The following CREB5 variants were observed in gnomAD, a reference collection of about 807,000 sequenced individuals.
The protein encoded by CREB5 is cyclic AMP-responsive element-binding protein 5.
In CREB5, 19 loss-of-function variants were observed where a neutral mutation model predicts 57.1. The ratio of observed to expected loss-of-function variants is 0.33; its 90% CI spans 0.23 to 0.49. CREB5 has a LOEUF of 0.49. Among genes scored for constraint, CREB5 ranks in the 20% least tolerant of loss-of-function variants. CREB5 has a pLI of 0.99. For missense variants in CREB5, 579 were observed against 671.6 expected, an observed-to-expected ratio of 0.86 and a Z score of 1.52; for synonymous variants, 238 against 238.3, an observed-to-expected ratio of 1.00 and a Z score of 0.01.
At chr7:28,770,108 G>A (rs1806240782) in intron 7 of CREB5, among the ~76,000 whole-genome samples, 1 of 152,176 alleles carries the variant, frequency 6.6e-6, no homozygotes, top group African/African-American at 2.4e-5. Context: ...TGTCTCTAAT[G>A]GAAAATTTAG....
chr7:28,307,728 T>C (rs892200788), intron 1 of CREB5, among the ~76,000 whole-genome samples: 4 of 152,236 alleles, frequency 2.6e-5, no homozygotes, highest in African/African-American at 9.6e-5. Flanking sequence ...CTGAGCACAA[T>C]GTGCCTGGCA....
intron 5 of CREB5, among the ~76,000 whole-genome samples, chr7:28,643,730 A>G (rs1232632054): frequency 6.7e-6 from 1 of 148,266 alleles, no homozygotes; most frequent in Admixed American, 6.8e-5. Flanking sequence ...AGTCTCACGA[A>G]TAGTTCACGG....
chr7:28,754,626 C>A (rs1424552249), intron 7 of CREB5, among the ~76,000 whole-genome samples: 4 of 152,182 alleles, frequency 2.6e-5, no homozygotes, highest in Non-Finnish European at 5.9e-5. Context: ...ACATTTCCTA[C>A]TAACTTAGAG....
intron 5 of CREB5, among the ~76,000 whole-genome samples, chr7:28,645,315 T>G (rs1798847862): frequency 6.6e-6 from 1 of 152,192 alleles, no homozygotes; most frequent in African/African-American, 2.4e-5. Flanking sequence ...AAATGTAATC[T>G]CTCTGGATAC....
At chr7:28,411,613 G>T (rs944295422), upstream of CREB5, among the ~76,000 whole-genome samples, 1 of 152,096 alleles carries the variant, frequency 6.6e-6, no homozygotes. Context: ...ATTTAAAAAA[G>T]TATTAACAGA....
chr7:28,607,784 TG>T (rs1362258734), intron 5 of CREB5, among the ~76,000 whole-genome samples: 1 of 126,254 alleles, frequency 7.9e-6, no homozygotes, highest in Non-Finnish European at 1.7e-5. Context: ...TGTGTGTGTG[TG>T]TGTGTGTGTT....
intron 7 of CREB5, among the ~76,000 whole-genome samples, chr7:28,732,236 T>C (rs1331805653): frequency 6.6e-6 from 1 of 152,192 alleles, no homozygotes. Context: ...TTTCTTTCTC[T>C]TTCTGCCAGT....
At chr7:28,444,700 C>T (rs1215307551) in intron 1 of CREB5, among the ~76,000 whole-genome samples, 2 of 152,214 alleles carry the variant, frequency 1.3e-5, no homozygotes, top group African/African-American at 2.4e-5. Flanking sequence ...TCCTGCTGGT[C>T]TGCCCCTGTC....
intron 1 of CREB5, among the ~76,000 whole-genome samples, chr7:28,425,871 C>T (rs1416888069): frequency 6.6e-6 from 1 of 152,182 alleles, no homozygotes; most frequent in Non-Finnish European, 1.5e-5. Context: ...AGATGGACTG[C>T]TGCTTTTCCT....
At chr7:28,672,729 A>G (rs1449363497) in intron 5 of CREB5, among the ~76,000 whole-genome samples, 1 of 152,186 alleles carries the variant, frequency 6.6e-6, no homozygotes, top group Non-Finnish European at 1.5e-5. Context: ...GTGCTGTCAT[A>G]GAAACAGCTC....
chr7:28,547,240 G>A (rs1416748758), intron 4 of CREB5, among the ~76,000 whole-genome samples: 1 of 152,138 alleles, frequency 6.6e-6, no homozygotes, highest in Non-Finnish European at 1.5e-5. Context: ...TTTCCAGAAT[G>A]ACCATAGAAA....
At chr7:28,555,592 A>G (rs1264887785) in intron 4 of CREB5, among the ~76,000 whole-genome samples, 2 of 152,242 alleles carry the variant, frequency 1.3e-5, no homozygotes, top group African/African-American at 4.8e-5. Context: ...TTCTTTACAT[A>G]TAGGGCTGTA....
intron 4 of CREB5, among the ~76,000 whole-genome samples, chr7:28,560,857 T>TGCGTGC (rs1795109660): frequency 7.8e-5 from 4 of 51,018 alleles, no homozygotes; most frequent in South Asian, 9.0e-4. Context: ...CGTGTGTGTG[T>TGCGTGC]GCGTGTGCCT....
intron 4 of CREB5, among the ~76,000 whole-genome samples, chr7:28,514,528 T>A (rs189883045): frequency 1.3e-5 from 2 of 152,252 alleles, no homozygotes; most frequent in Admixed American, 1.3e-4. Context: ...CCAGAGTAGC[T>A]GGGACTACAG....
chr7:28,819,202 T>A lies in CREB5; in HGVS notation c.1450T>A (p.Ser484Thr). Residue 484 changes from serine (S) to threonine (T), a missense_variant, in exon 11 of 11, where the codon TCG becomes ACG. Physicochemically the swap from Ser to Thr is moderately conservative, Grantham distance 58 (BLOSUM62 1). Coordinates refer to ENST00000357727, the MANE Select transcript of CREB5 (RefSeq NM_182898.4). ...IQHNTITTSS[S>T]VSEVVGSSTL... ...GCATAATACCATCACTACTTCCTCATCGGTCAGCGAGGTGGTAGGAAGCTC... is the reference window on the plus strand; with the variant it reads ...GCATAATACCATCACTACTTCCTCAACGGTCAGCGAGGTGGTAGGAAGCTC... The A allele has an allele frequency of 1.2e-6, 2 of 1,613,902 alleles. No individual in the cohort carries two copies. The highest frequency in any genetic ancestry group is 1.1e-5 in the South Asian group (1 of 91,076).
Position 28,819,443 on chromosome 7 carries a change from GT to G in CREB5, c.*166del. 5 of 660,448 alleles carry G rather than the reference GT, an allele frequency of 7.6e-6. No individual in the cohort carries two copies. Among genetic ancestry groups the G allele is most frequent in the Non-Finnish European group, 1.2e-5 (5 of 421,036 alleles). The allele number at this position is 660,448 out of a possible 1,614,324, so 40.9% of individuals were successfully genotyped here. The stretch of plus-strand genomic sequence containing the variant: ...ATGGAAATGTTGTCTTTTATACTTA[GT>G]TATATAAGAAAAAAGGGAGTTATGC... On this transcript the variant is annotated 3_prime_UTR_variant, in exon 11 of 11. Coordinates refer to ENST00000357727, the MANE Select transcript of CREB5 (RefSeq NM_182898.4).
Position 28,509,934 on chromosome 7 carries a change from T to G in CREB5, c.291+2197T>G, listed in dbSNP as rs145587244. 6.9e-3 allele frequency among the ~76,000 whole-genome samples: 1,046 copies of G among 152,278 alleles called. 13 individuals are homozygous for G. Among genetic ancestry groups the G allele is most frequent in the African/African-American group, 0.023 (967 of 41,544 alleles). On this transcript the variant is annotated intron_variant, in intron 4 of 10. Coordinates refer to ENST00000357727, the MANE Select transcript of CREB5 (RefSeq NM_182898.4). ...GGACAATATTCAGGCTGTTGAGGCT[T>G]CTTCTTCCTTTGCCTCATTCAAACC... is the stretch of plus-strand genomic sequence containing the variant.
chr7:28,422,601 G>T (rs1334612736), intron 1 of CREB5, among the ~76,000 whole-genome samples: 2 of 152,174 alleles, frequency 1.3e-5, no homozygotes, highest in East Asian at 3.8e-4. Context: ...GCTCAATAAT[G>T]ATGCTTAACA....
intron 5 of CREB5, among the ~76,000 whole-genome samples, chr7:28,654,528 A>G (rs1799261996): frequency 6.6e-6 from 1 of 152,206 alleles, no homozygotes; most frequent in South Asian, 2.1e-4. Context: ...GGAGCCCTCT[A>G]TACTATTTTC....
Sources: allele counts gnomAD v4.1 joint callset (sites outside exome capture counted in the v4.1 genomes callset), GRCh38; gene constraint gnomAD v4.1.1; transcripts MANE v1.5; gene names NCBI Gene and HGNC (gene_info 2026-07-23, HGNC 2026-07-21).